Variants in GNB4 observed in about 807,000 individuals in gnomAD.
GNB4 encodes the protein guanine nucleotide-binding protein subunit beta-4.
A neutral mutation model predicts 45.2 loss-of-function variants in GNB4; 28 were observed. The ratio of observed to expected loss-of-function variants is 0.62; its 90% CI spans 0.46 to 0.85. The LOEUF (loss-of-function observed/expected upper bound fraction) is 0.85, where lower values mean the gene tolerates loss of function less well. GNB4 is among the 40% of genes least tolerant of loss of function. The pLI is 0.00. For synonymous variants in GNB4, 132 were observed against 143.7 expected (o/e 0.92, Z 0.58); for missense variants, 321 against 425.4 (o/e 0.75, Z 2.16).
At chr3:179,442,579 C>A (rs541957134) in intron 1 of GNB4, among the ~76,000 whole-genome samples, 2 of 151,876 alleles carry the variant, frequency 1.3e-5, no homozygotes, top group African/African-American at 4.8e-5. Context: ...TTTTTTTATA[C>A]GACCACATGT....
chr3:179,490,795 G>T, the GNB4 span, among the ~76,000 whole-genome samples: 1 of 152,140 alleles, frequency 6.6e-6, no homozygotes, highest in South Asian at 2.1e-4. Context: ...CCACTCAGAT[G>T]CACATGCCAA....
At chr3:179,469,719 GA>G in the GNB4 span, among the ~76,000 whole-genome samples, 1 of 152,162 alleles carries the variant, frequency 6.6e-6, no homozygotes, top group Non-Finnish European at 1.5e-5. Context: ...TAAACCTTAG[GA>G]AACCATTCTT....
At chr3:179,474,737 C>CTTTTTT in the GNB4 span, among the ~76,000 whole-genome samples, 117 of 59,598 alleles carry the variant, frequency 2.0e-3, 4 homozygotes, top group Admixed American at 2.4e-3. Context: ...AGACTGGGTC[C>CTTTTTT]TTTTTTTTTT....
At chr3:179,446,886 A>C (rs758027305) in intron 1 of GNB4, among the ~76,000 whole-genome samples, 1 of 152,212 alleles carries the variant, frequency 6.6e-6, no homozygotes, top group Non-Finnish European at 1.5e-5. Context: ...TCATTCCTTC[A>C]TTCAACAAAT....
At chr3:179,416,720 A>G (rs1714810651) in intron 4 of GNB4, among the ~76,000 whole-genome samples, 164 bp from the exon 5 acceptor site, 1 of 152,242 alleles carries the variant, frequency 6.6e-6, no homozygotes, top group Non-Finnish European at 1.5e-5. Flanking sequence ...TTTATGCTGC[A>G]TGCCAAAAAT....
At chr3:179,415,841 CT>C (rs1714784498) in intron 5 of GNB4, among the ~76,000 whole-genome samples, 1 of 152,062 alleles carries the variant, frequency 6.6e-6, no homozygotes. Context: ...TCTTAGCTAG[CT>C]TTAAAATCTC....
chr3:179,509,168 TAC>T, the GNB4 span, among the ~76,000 whole-genome samples: 4,289 of 146,678 alleles, frequency 0.029, 92 homozygotes, highest in Middle Eastern at 0.13. Context: ...TATATATACA[TAC>T]ACACACACAC....
chr3:179,484,338 C>T, the GNB4 span, among the ~76,000 whole-genome samples: 8 of 152,316 alleles, frequency 5.3e-5, no homozygotes, highest in Admixed American at 3.3e-4. Context: ...TGTATCCCTA[C>T]TGGACAAATG....
At chr3:179,480,915 G>A in the GNB4 span, among the ~76,000 whole-genome samples, 6 of 147,524 alleles carry the variant, frequency 4.1e-5, no homozygotes, top group African/African-American at 7.6e-5. Flanking sequence ...GCAGTGGCGC[G>A]ATCTCGGCTC....
the GNB4 span, among the ~76,000 whole-genome samples, chr3:179,515,221 C>CT: frequency 6.6e-6 from 1 of 152,220 alleles, no homozygotes; most frequent in Non-Finnish European, 1.5e-5. Flanking sequence ...ATTCTAAGTG[C>CT]TTTTTGTATA....
chr3:179,489,465 C>T, the GNB4 span, among the ~76,000 whole-genome samples: 1 of 151,726 alleles, frequency 6.6e-6, no homozygotes, highest in East Asian at 1.9e-4. Flanking sequence ...AGCAAGACCC[C>T]GTCTCTACAA....
chr3:179,409,836 A>C (rs879394827), intron 8 of GNB4, among the ~76,000 whole-genome samples: 106 of 151,980 alleles, frequency 7.0e-4, no homozygotes, highest in Admixed American at 1.2e-3. Flanking sequence ...AACAAAACAA[A>C]AAAAAAACTA....
At chr3:179,452,290 T>C (rs1715905281), upstream of GNB4, 1 of 152,090 alleles carries the variant, frequency 6.6e-6, no homozygotes, top group South Asian at 2.1e-4. Context: ...TCTATCCAAT[T>C]TGCTTCCTCT....
At position 179,413,553 on chromosome 3, in the gene GNB4, A is replaced by G. The variant is rs1278455726; in HGVS notation, c.558T>C (p.Asp186=). Residue 186 remains aspartate, a synonymous_variant, in exon 8 of 10, where the codon GAT becomes GAC. Coordinates refer to ENST00000232564, the MANE Select transcript of GNB4 (RefSeq NM_021629.4). Reference sequence around the variant, plus strand: ...CAGGACTCAAAGAAAGACTCATCACATCTCCAGAATGCCCAGTGAATGTGG... The same window carrying G: ...CAGGACTCAAAGAAAGACTCATCACGTCTCCAGAATGCCCAGTGAATGTGG... ...QTTTFTGHSG[D]VMSLSLSPDM... is the part of the protein sequence containing the mutation. 5 of 1,614,068 alleles carry G rather than the reference A, an allele frequency of 3.1e-6. No homozygotes were observed. Among genetic ancestry groups the G allele is most frequent in the Non-Finnish European group, 4.2e-6 (5 of 1,180,034 alleles).
At chr3:179,480,556 A>C in the GNB4 span, among the ~76,000 whole-genome samples, 2 of 151,438 alleles carry the variant, frequency 1.3e-5, no homozygotes, top group Non-Finnish European at 2.9e-5. Flanking sequence ...CTCTCGGAGG[A>C]TCCTGCACAG....
chr3:179,482,143 C>T, the GNB4 span, among the ~76,000 whole-genome samples: 1 of 152,086 alleles, frequency 6.6e-6, no homozygotes, highest in Admixed American at 6.6e-5. Context: ...AATCCTTTCA[C>T]CTCAGTTTCC....
rs7619335 is a variant in GNB4, at chr3:179,445,047, A to T, written c.-43+6299T>A. ...AGTGTTGCCATTAAAAAAAAAAATT[A>T]AAAATCCTATATAAGAGCCTAGCAA... On this transcript the variant is annotated intron_variant, in intron 1 of 9. Coordinates refer to ENST00000232564, the MANE Select transcript of GNB4 (RefSeq NM_021629.4). Among the ~76,000 whole-genome samples, 875 of 152,292 alleles carry T rather than the reference A, an allele frequency of 5.7e-3. 9 individuals are homozygous for T. The highest frequency in any genetic ancestry group is 0.02 in the African/African-American group (830 of 41,570).
the GNB4 span, among the ~76,000 whole-genome samples, chr3:179,466,006 CGT>C: frequency 3.6e-4 from 37 of 103,892 alleles, no homozygotes; most frequent in South Asian, 7.7e-3. Context: ...ATCCTCTAGT[CGT>C]TTTTTTTTTT....
intron 1 of GNB4, among the ~76,000 whole-genome samples, chr3:179,432,488 T>C (rs1715335007): frequency 6.6e-6 from 1 of 152,098 alleles, no homozygotes; most frequent in Non-Finnish European, 1.5e-5. Context: ...ACCAATAGAT[T>C]ATAAACTACT....
Sources: allele counts gnomAD v4.1 joint callset (sites outside exome capture counted in the v4.1 genomes callset), GRCh38; gene constraint gnomAD v4.1.1; transcripts MANE v1.5; gene names NCBI Gene and HGNC (gene_info 2026-07-23, HGNC 2026-07-21).